Variants in ROBO1 observed in about 807,000 individuals in gnomAD.
ROBO1 encodes roundabout homolog 1.
In ROBO1, 149 loss-of-function variants were observed where a neutral mutation model predicts 195.9. The ratio of observed to expected loss-of-function variants is 0.76; its 90% CI spans 0.67 to 0.87. The LOEUF is 0.87. ROBO1 is among the 40% of genes least tolerant of loss of function. The pLI is 0.00. For missense variants in ROBO1, 1,933 were observed against 2,068.3 expected (o/e 0.93, Z 1.27); for synonymous variants, 816 against 733.2 (o/e 1.11, Z -1.82).
chr3:79,348,754 A>G (rs761882917), intron 2 of ROBO1, among the ~76,000 whole-genome samples: 10 of 152,214 alleles, frequency 6.6e-5, no homozygotes, highest in Admixed American at 1.3e-4. Flanking sequence ...GAGTGGAAAA[A>G]GACACGAATA....
intron 1 of ROBO1, among the ~76,000 whole-genome samples, chr3:79,625,444 A>AG (rs1945143673): frequency 7.8e-6 from 1 of 128,164 alleles, no homozygotes. Context: ...AAAAAAAAAA[A>AG]GCAAAATAGA....
At chr3:78,683,325 GTTAT>G (rs1400905804) in intron 10 of ROBO1, among the ~76,000 whole-genome samples, 1 of 152,034 alleles carries the variant, frequency 6.6e-6, no homozygotes, top group Non-Finnish European at 1.5e-5. Flanking sequence ...TAATTCTTAA[GTTAT>G]TCAACAATTT....
chr3:79,335,962 C>G (rs1288804331), intron 2 of ROBO1, among the ~76,000 whole-genome samples: 1 of 152,080 alleles, frequency 6.6e-6, no homozygotes, highest in Admixed American at 6.6e-5. Flanking sequence ...AAAAGGTGAC[C>G]CTTGCTGTGC....
chr3:79,349,274 G>A (rs1391585472), intron 2 of ROBO1, among the ~76,000 whole-genome samples: 1 of 152,038 alleles, frequency 6.6e-6, no homozygotes. Flanking sequence ...GACCCAGAGA[G>A]AATTTTCTAA....
At chr3:79,708,467 T>C (rs1340731112) in intron 1 of ROBO1, among the ~76,000 whole-genome samples, 5 of 152,194 alleles carry the variant, frequency 3.3e-5, no homozygotes, top group Admixed American at 1.3e-4. Context: ...TGATCTGTTA[T>C]GTGTCAATTT....
intron 2 of ROBO1, among the ~76,000 whole-genome samples, chr3:79,237,081 C>T (rs543970373): frequency 6.6e-6 from 1 of 151,908 alleles, no homozygotes; most frequent in South Asian, 2.1e-4. Context: ...ATAAATGCTG[C>T]CATTAACAAA....
intron 4 of ROBO1, among the ~76,000 whole-genome samples, chr3:78,936,529 G>T (rs73120646): frequency 6.6e-6 from 1 of 152,036 alleles, no homozygotes; most frequent in Non-Finnish European, 1.5e-5. Context: ...AAAATAATAG[G>T]GGAAAAGAAA....
chr3:79,154,975 C>G (rs893634557), intron 2 of ROBO1, among the ~76,000 whole-genome samples: 1 of 151,746 alleles, frequency 6.6e-6, no homozygotes, highest in Non-Finnish European at 1.5e-5. Flanking sequence ...TGGTTGAATT[C>G]TGTGACAGCT....
At chr3:79,128,333 C>T (rs988275814) in intron 2 of ROBO1, among the ~76,000 whole-genome samples, 4 of 152,030 alleles carry the variant, frequency 2.6e-5, no homozygotes, top group Admixed American at 1.3e-4. Context: ...GTCTGTCACC[C>T]CCATTATAAT....
chr3:79,568,304 G>C (rs908840449), intron 2 of ROBO1, among the ~76,000 whole-genome samples: 1 of 151,998 alleles, frequency 6.6e-6, no homozygotes, highest in Admixed American at 6.6e-5. Context: ...CCCTTATAAA[G>C]GGGCAAAAGG....
At chr3:79,368,856 G>C (rs2036075434) in intron 2 of ROBO1, among the ~76,000 whole-genome samples, 1 of 152,068 alleles carries the variant, frequency 6.6e-6, no homozygotes, top group Non-Finnish European at 1.5e-5. Flanking sequence ...ACCCCCAACA[G>C]ATCAAAATCC....
At chr3:79,628,396 C>T (rs191142794) in intron 1 of ROBO1, among the ~76,000 whole-genome samples, 1 of 152,170 alleles carries the variant, frequency 6.6e-6, no homozygotes, top group Non-Finnish European at 1.5e-5. Flanking sequence ...GAAAACCAAA[C>T]ACCGCATGTT....
At chr3:79,070,797 T>A (rs1212875744) in intron 3 of ROBO1, among the ~76,000 whole-genome samples, 2 of 151,854 alleles carry the variant, frequency 1.3e-5, no homozygotes, top group African/African-American at 4.8e-5. Flanking sequence ...GGCATCACTT[T>A]CAGCCAACAT....
chr3:79,353,171 T>C (rs1017277605), intron 2 of ROBO1, among the ~76,000 whole-genome samples: 2 of 152,184 alleles, frequency 1.3e-5, no homozygotes, highest in African/African-American at 2.4e-5. Flanking sequence ...GCAGTATTCA[T>C]TCATTTATTC....
chr3:79,693,338 C>A (rs1227321705), intron 1 of ROBO1, among the ~76,000 whole-genome samples: 1 of 151,410 alleles, frequency 6.6e-6, no homozygotes, highest in Non-Finnish European at 1.5e-5. Flanking sequence ...TTGAAATACA[C>A]AAGCAGATCA....
At chr3:79,622,529 A>G (rs146462778) in intron 1 of ROBO1, among the ~76,000 whole-genome samples, 123 of 152,272 alleles carry the variant, frequency 8.1e-4, no homozygotes, top group South Asian at 2.5e-3. Context: ...TTTTCCCAAG[A>G]CTTGTCCCCC....
chr3:79,022,735 G>A (rs952018581), intron 3 of ROBO1, among the ~76,000 whole-genome samples: 9 of 152,152 alleles, frequency 5.9e-5, no homozygotes, highest in South Asian at 2.1e-4. Context: ...TGAATGAATC[G>A]TGGGTTCTAA....
At chr3:78,849,315 T>C (rs1467198390) in intron 4 of ROBO1, among the ~76,000 whole-genome samples, 1 of 152,070 alleles carries the variant, frequency 6.6e-6, no homozygotes. Context: ...TAAACACATG[T>C]TTATTAGAGA....
In ROBO1 at chr3:78,827,997, A is replaced by G. The variant is rs997219497; in HGVS notation, c.500-81097T>C. 2.6e-5 allele frequency among the ~76,000 whole-genome samples: 4 copies of G among 152,220 alleles called. No individual in the cohort carries two copies. The South Asian group carries it at 6.2e-4, about 24-fold the overall frequency. On this transcript the variant is annotated intron_variant, in intron 4 of 30. Transcript: ENST00000464233. ...ATATTAACCATCAAATGATGCTGAA[A>G]GACTCAATTTAAGAAAAAATAAAAA...
Sources: gnomAD v4.1 joint callset for allele counts (sites outside exome capture counted in the v4.1 genomes callset) on GRCh38, gnomAD v4.1.1 for gene constraint, MANE v1.5 for transcripts, NCBI Gene and HGNC (gene_info 2026-07-23, HGNC 2026-07-21) for gene names.